The following PRPF8 variants were observed in gnomAD, a reference collection of about 807,000 sequenced individuals.
PRPF8 encodes the protein pre-mRNA-processing-splicing factor 8.
In PRPF8, 64 loss-of-function variants were observed where a neutral mutation model predicts 285.9. That is an observed-to-expected ratio of 0.22 (90% CI 0.18 to 0.28). The LOEUF is 0.28. PRPF8 is among the 10% of genes least tolerant of loss of function. The pLI is 1.00. For missense variants in PRPF8, 1,426 were observed against 3,026.7 expected (o/e 0.47, Z 12.41); for synonymous variants, 1,325 against 1,118.2 (o/e 1.18, Z -3.69).
intron 13 of PRPF8, 176 bp downstream of exon 13, chr17:1,678,342 G>A (rs531549026): frequency 1.3e-6 from 1 of 743,540 alleles, no homozygotes; most frequent in Non-Finnish European, 2.2e-6. Context: ...AAATTGCCAG[G>A]CGTGGTGGCG....
Position 1,651,172 on chromosome 17 carries a change from C to T in PRPF8, c.6789G>A (p.Leu2263=). 1.2e-6 allele frequency: 2 copies of T among 1,614,206 alleles called. No individual in the cohort carries two copies. The highest frequency in any genetic ancestry group is 1.7e-6 in the Non-Finnish European group (2 of 1,180,042). The change falls in exon 42 of 43, where the codon CTG becomes CTA. Residue 2263 remains leucine, a synonymous_variant. Transcript: ENST00000304992. The surrounding 1 kb of genome is among the most constrained non-coding windows in gnomAD (Gnocchi z 5.1). ...PSHYERVQML[L]SDRFLGFFMV... ...TGAAGAAGCCAAGGAAACGGTCCGA[C>T]AGCAGCATCTGCACCCTCTCATAGT...
In PRPF8 at chr17:1,679,569, C is replaced by T. The variant is rs770577647; in HGVS notation, c.1289+40G>A. The T allele has an allele frequency of 2.5e-6, 4 of 1,610,610 alleles. No individual in the cohort carries two copies. The South Asian group carries it at 4.4e-5, about 18-fold the overall frequency. ...CCTAGTTGGAGTCTTTTCTCCTACA[C>T]ATCCACTATCATTCCCCCTGCCACA... On this transcript the variant is annotated intron_variant, in intron 9 of 42. Transcript: ENST00000304992. The surrounding 1 kb of genome is among the most constrained non-coding windows in gnomAD (Gnocchi z 4.7).
Position 1,661,277 on chromosome 17 carries a change from C to T in PRPF8, c.4332G>A (p.Gln1444=), listed in dbSNP as rs764279747. 3 of 1,614,180 alleles carry T rather than the reference C, an allele frequency of 1.9e-6. No individual in the cohort carries two copies. Among genetic ancestry groups the T allele is most frequent in the Non-Finnish European group, 2.5e-6 (3 of 1,180,046 alleles). ...ATCTGCTCCCTCTACATACCTGATA[C>T]TGCTTAAAGTCAGTTCTGACACGCC... ...KGWRVRTDFK[Q]YQVLKQNPFW... The change falls in exon 27 of 43, where the codon CAG becomes CAA. Residue 1444 remains glutamine, a synonymous_variant. Coordinates refer to ENST00000304992, the MANE Select transcript of PRPF8 (RefSeq NM_006445.4). The surrounding 1 kb of genome is among the most constrained non-coding windows in gnomAD (Gnocchi z 7.3).
intron 30 of PRPF8, 135 bp from the exon 31 acceptor site, chr17:1,660,136 C>G (rs1911600271): frequency 3.5e-6 from 4 of 1,145,608 alleles, no homozygotes. Context: ...TGCAAAAGAG[C>G]AAGCTGAGCT....
intron 2 of PRPF8, 70 bp from the exon 3 acceptor site, chr17:1,683,771 T>C: frequency 6.4e-7 from 1 of 1,574,330 alleles, no homozygotes; most frequent in Non-Finnish European, 8.7e-7. Context: ...TGCCCTAGGG[T>C]AAGCTCCTGT....
chr17:1,681,114 T>C (rs1329565468), intron 6 of PRPF8, 60 bp from the exon 7 acceptor site: 47 of 1,537,680 alleles, frequency 3.1e-5, no homozygotes, highest in Non-Finnish European at 3.9e-5. Flanking sequence ...GTCTCACTCT[T>C]ATCACCCAAG....
intron 37 of PRPF8, 153 bp from the exon 38 acceptor site, chr17:1,654,169 G>A: frequency 8.8e-7 from 1 of 1,139,422 alleles, no homozygotes; most frequent in Non-Finnish European, 1.3e-6. Context: ...GTGAAACGGA[G>A]GTGCACTAAC....
At chr17:1,667,495 T>C (rs1015440168) in intron 24 of PRPF8, among the ~76,000 whole-genome samples, 1 of 146,448 alleles carries the variant, frequency 6.8e-6, no homozygotes, top group Non-Finnish European at 1.5e-5. Flanking sequence ...ATACCTCTTA[T>C]GTCTTCATAA....
At chr17:1,666,115 G>A (rs1351555968) in intron 24 of PRPF8, among the ~76,000 whole-genome samples, 2 of 151,042 alleles carry the variant, frequency 1.3e-5, no homozygotes, top group Admixed American at 6.6e-5. Flanking sequence ...GCAGTGAGCA[G>A]AGATCGCGCC....
chr17:1,674,825 G>C (rs991506303), intron 20 of PRPF8, 145 bp from the exon 21 acceptor site: 1 of 879,644 alleles, frequency 1.1e-6, no homozygotes, highest in African/African-American at 1.6e-5. Flanking sequence ...GGCTGAGAGT[G>C]CACTGGCGCA....
Position 1,676,846 on chromosome 17 carries a change from G to A in PRPF8, c.2181+130C>T, listed in dbSNP as rs1437318985. 4.8e-6 allele frequency: 7 copies of A among 1,466,334 alleles called. No individual in the cohort carries two copies. The highest frequency in any genetic ancestry group is 4.7e-6 in the Non-Finnish European group (5 of 1,057,284). 90.8% of individuals were successfully genotyped at this position (1,466,334 alleles called of 1,614,324 possible). ...TTGAGGCCAGCCTAAGCAACATGGT[G>A]CTTCTTTTCCCTGTCTAAAAGGGAA... On this transcript the variant is annotated intron_variant, in intron 15 of 42. Transcript: ENST00000304992. This position sits in a 1 kb window ranked among gnomAD's most constrained non-coding sequence, Gnocchi z 6.3.
chr17:1,683,888 CTTTT>C (rs112914461), intron 2 of PRPF8, among the ~76,000 whole-genome samples, 187 bp from the exon 3 acceptor site: 1 of 140,510 alleles, frequency 7.1e-6, no homozygotes, highest in Non-Finnish European at 1.6e-5. Flanking sequence ...CACTATCTGA[CTTTT>C]TTTTTTTTTT....
chr17:1,679,724 G>T lies in PRPF8; in HGVS notation c.1174C>A (p.Pro392Thr). The T allele has an allele frequency of 6.2e-7, 1 of 1,614,190 alleles. No homozygotes were observed. The highest frequency in any genetic ancestry group is 1.1e-5 in the South Asian group (1 of 91,086). ...EFVEPFLKDT[P>T]LYTDNTANGI... ...TTGGCTGTATTGTCTGTATAGAGGG[G>T]TGTGTCCTTCAGGAAGGGCTCCACA... The change falls in exon 9 of 43, where the codon CCC becomes ACC. Residue 392 changes from proline to threonine, a missense_variant. Physicochemically the swap from Pro to Thr is conservative, Grantham distance 38. Transcript: ENST00000304992. This position sits in a 1 kb window ranked among gnomAD's most constrained non-coding sequence, Gnocchi z 4.7.
In PRPF8 at chr17:1,679,245, A is replaced by G. The variant is rs768365755; in HGVS notation, c.1410-39T>C. ...ATGGAGAGTAAGAGTCAGCCTACTG[A>G]TATCTCTGGAACAGAAGTCTGCGCA... On this transcript the variant is annotated intron_variant, in intron 10 of 42. Transcript: ENST00000304992. The surrounding 1 kb of genome is among the most constrained non-coding windows in gnomAD (Gnocchi z 4.7). The G allele has an allele frequency of 1.2e-5, 20 of 1,614,068 alleles. No individual in the cohort carries two copies. The highest frequency in any genetic ancestry group is 1.7e-5 in the Admixed American group (1 of 60,000).
chr17:1,666,980 CT>C (rs1360210764), intron 24 of PRPF8, among the ~76,000 whole-genome samples: 1 of 152,120 alleles, frequency 6.6e-6, no homozygotes, highest in Non-Finnish European at 1.5e-5. Flanking sequence ...TGAGACCAGC[CT>C]GACCAACATG....
chr17:1,680,457 A>G, intron 8 of PRPF8: 2 of 551,540 alleles, frequency 3.6e-6, no homozygotes, highest in Non-Finnish European at 6.5e-6. Context: ...GCTAAAACAA[A>G]CAAACACAAT....
Position 1,661,628 on chromosome 17 carries a change from C to T in PRPF8, c.4185G>A (p.Glu1395=). 6.2e-7 allele frequency: 1 copy of T among 1,613,460 alleles called. No homozygotes were observed. The change falls in exon 26 of 43, where the codon GAG becomes GAA. Residue 1395 remains glutamate (E), a synonymous_variant. Transcript: ENST00000304992. The surrounding 1 kb of genome is among the most constrained non-coding windows in gnomAD (Gnocchi z 7.3). ...VWAEYALKRQ[E]AIAQNRRLTL... ...GTGCCCACCTGTTCTGAGCAATGGC[C>T]TCTTGCCTCTTGAGTGCGTACTCAG...
At chr17:1,683,054 G>T (rs556453897) in intron 3 of PRPF8, 81 of 225,744 alleles carry the variant, frequency 3.6e-4, no homozygotes, top group Non-Finnish European at 6.6e-4. Context: ...AGAGTGCAGT[G>T]GTGTGATCTC....
rs1911172903 is a variant in PRPF8 at position 1,653,104 on chromosome 17, A to T, written c.6369+438T>A. 7.0e-6 allele frequency: 2 copies of T among 286,794 alleles called. No individual in the cohort carries two copies. Among genetic ancestry groups the T allele is most frequent in the Non-Finnish European group, 1.4e-5 (2 of 145,704 alleles). The allele number at this position is 286,794 out of a possible 1,614,324, so 17.8% of individuals were successfully genotyped here. ...CGGGCGCATGCCACCATGCCTGGCT[A>T]ATTTTTTGTATTTTTAGTAGAGACA... On this transcript the variant is annotated intron_variant, in intron 39 of 42. Transcript: ENST00000304992. The surrounding 1 kb of genome is among the most constrained non-coding windows in gnomAD (Gnocchi z 4.9).
Sources: gnomAD v4.1 joint callset for allele counts (sites outside exome capture counted in the v4.1 genomes callset) on GRCh38, gnomAD v4.1.1 for gene constraint, Gnocchi (gnomAD v3.1) non-coding constraint, MANE v1.5 for transcripts, NCBI Gene and HGNC (gene_info 2026-07-23, HGNC 2026-07-21) for gene names.